Variants in ZNF713 observed in about 807,000 individuals in gnomAD.
ZNF713 encodes zinc finger protein 713.
Under a neutral mutation model 28.7 loss-of-function variants are expected in ZNF713, and 21 were observed. The observed-to-expected ratio is 0.73, with a 90% CI of 0.52 to 1.05. The LOEUF (loss-of-function observed/expected upper bound fraction) is 1.05, where lower values mean the gene tolerates loss of function less well. Among genes scored for constraint, ZNF713 ranks in the 50% least tolerant of loss-of-function variants. The probability of loss-of-function intolerance (pLI) is 0.00; values close to 1 mark genes in which losing one functional copy is unlikely to be tolerated. For missense variants in ZNF713, 458 were observed against 532.4 expected, an observed-to-expected ratio of 0.86 and a Z score of 1.37; for synonymous variants, 167 against 178.0, an observed-to-expected ratio of 0.94 and a Z score of 0.49.
chr7:55,889,423 A>G (rs1785338000), intron 1 of ZNF713, among the ~76,000 whole-genome samples: 1 of 152,174 alleles, frequency 6.6e-6, no homozygotes, highest in South Asian at 2.1e-4. Context: ...TTTAACTTAA[A>G]TTGTGAGGCA....
rs575036773 is a variant in ZNF713, at chr7:55,892,638, C to G, written c.-583+4958C>G. Among the ~76,000 whole-genome samples, 8 of 149,108 alleles carry G rather than the reference C, an allele frequency of 5.4e-5. No individual in the cohort carries two copies. The South Asian group carries it at 1.5e-3, about 28-fold the overall frequency. ...CTGTAATCCCAGCACTTTAGGAGAC[C>G]AAGGCGATTGGATCACATGAGGTCG... On this transcript the variant is annotated intron_variant, in intron 1 of 6. Transcript: ENST00000429591.
intron 6 of ZNF713, chr7:55,924,998 AT>A (rs1206194560): frequency 1.3e-5 from 2 of 151,482 alleles, no homozygotes; most frequent in Non-Finnish European, 2.9e-5. Flanking sequence ...TCCCTTAAAT[AT>A]GGGATTTCTT....
chr7:55,928,871 C>T (rs1160269182), intron 6 of ZNF713, among the ~76,000 whole-genome samples: 2 of 151,840 alleles, frequency 1.3e-5, no homozygotes, highest in Non-Finnish European at 1.5e-5. Flanking sequence ...AGGGCTCACA[C>T]CTGTAATCCC....
chr7:55,892,426 T>A (rs1411130726), intron 1 of ZNF713, among the ~76,000 whole-genome samples: 1 of 151,424 alleles, frequency 6.6e-6, no homozygotes, highest in African/African-American at 2.4e-5. Context: ...TTTCTCCCTA[T>A]CATAAGGGTC....
intron 1 of ZNF713, among the ~76,000 whole-genome samples, chr7:55,888,526 G>A (rs888903341): frequency 6.6e-6 from 1 of 152,152 alleles, no homozygotes; most frequent in Admixed American, 6.5e-5. Context: ...GGGACCACAG[G>A]TGTGCACCAC....
At chr7:55,908,481 G>T (rs1312276666) in intron 2 of ZNF713, among the ~76,000 whole-genome samples, 1 of 152,056 alleles carries the variant, frequency 6.6e-6, no homozygotes, top group Non-Finnish European at 1.5e-5. Context: ...TAGCCATTCT[G>T]ACTGGTGTGA....
intron 1 of ZNF713, among the ~76,000 whole-genome samples, chr7:55,892,306 C>CAATA (rs1785395764): frequency 8.6e-6 from 1 of 116,170 alleles, no homozygotes; most frequent in African/African-American, 3.6e-5. Context: ...AAAAAAAAAC[C>CAATA]CCAGGAACAA....
At chr7:55,908,275 T>TGGGATTAC (rs1307541403) in intron 2 of ZNF713, among the ~76,000 whole-genome samples, 1 of 151,630 alleles carries the variant, frequency 6.6e-6, no homozygotes. Flanking sequence ...TCTGAATAGC[T>TGGGATTAC]GGGATTACAG....
At chr7:55,930,664 G>A (rs143536906) in intron 6 of ZNF713, among the ~76,000 whole-genome samples, 36 of 152,076 alleles carry the variant, frequency 2.4e-4, no homozygotes, top group African/African-American at 8.2e-4. Context: ...GAGGCTGAGT[G>A]TTGAGCCAAG....
chr7:55,912,699 T>C lies in ZNF713; in HGVS notation c.63T>C (p.Asp21=). The C allele has an allele frequency of 1.2e-6, 2 of 1,613,662 alleles. No homozygotes were observed. The highest frequency in any genetic ancestry group is 8.5e-7 in the Non-Finnish European group (1 of 1,179,868). ...ACATGGAGGAGGAAGAAATGAATGA[T>C]GGCTCACAGATGGTGAGATCTCAGG... ...EGNMEEEEMN[D]GSQMVRSQES... is the part of the protein sequence containing the mutation. Residue 21 remains aspartate (D), a synonymous_variant, in exon 4 of 7, where the codon GAT becomes GAC. Transcript: ENST00000429591.
At chr7:55,896,254 T>C (rs1013815980) in intron 1 of ZNF713, among the ~76,000 whole-genome samples, 5 of 152,094 alleles carry the variant, frequency 3.3e-5, no homozygotes, top group African/African-American at 4.8e-5. Flanking sequence ...TGTAACCACA[T>C]TGAAAGAGGT....
chr7:55,903,937 G>T (rs1785627223), intron 1 of ZNF713, among the ~76,000 whole-genome samples: 1 of 152,090 alleles, frequency 6.6e-6, no homozygotes, highest in African/African-American at 2.4e-5. Context: ...GTGGCAGGAT[G>T]CCCTGAATAA....
At chr7:55,929,576 G>A (rs922064282) in intron 6 of ZNF713, among the ~76,000 whole-genome samples, 8 of 152,192 alleles carry the variant, frequency 5.3e-5, no homozygotes, top group Admixed American at 2.6e-4. Flanking sequence ...GATTTTACAC[G>A]TAAAACATGA....
chr7:55,905,593 G>A (rs1490161307), intron 1 of ZNF713, among the ~76,000 whole-genome samples: 3 of 152,000 alleles, frequency 2.0e-5, no homozygotes. Context: ...AAATGGATCA[G>A]TCTGAGCTGT....
chr7:55,896,585 A>ATGTG (rs532438365), intron 1 of ZNF713, among the ~76,000 whole-genome samples: 24 of 129,254 alleles, frequency 1.9e-4, no homozygotes, highest in Admixed American at 5.4e-4. Context: ...TTTAATATAT[A>ATGTG]TGTGTGTGTG....
At chr7:55,932,455 G>T (rs1234248476) in intron 6 of ZNF713, among the ~76,000 whole-genome samples, 2 of 150,234 alleles carry the variant, frequency 1.3e-5, no homozygotes, top group Admixed American at 1.3e-4. Context: ...AGCCCAGGAG[G>T]TCAAAGCTGA....
rs770026109 is a variant in ZNF713 at position 55,939,908 on chromosome 7, C to T, written c.1234C>T (p.His412Tyr). ...CGGGAAAGCCTTTAGCCAGAGTGCACACCTTAATCAACACAGGAAAATCCA... is the reference window on the plus strand; with the variant it reads ...CGGGAAAGCCTTTAGCCAGAGTGCATACCTTAATCAACACAGGAAAATCCA... ...ECGKAFSQSA[H>Y]LNQHRKIHTR... The change falls in exon 7 of 7, where the codon CAC becomes TAC. Residue 412 changes from histidine to tyrosine, a missense_variant. Physicochemically the swap from His to Tyr is moderately conservative, Grantham distance 83 (BLOSUM62 2). Coordinates refer to ENST00000429591, the MANE Select transcript of ZNF713 (RefSeq NM_182633.3). The T allele has an allele frequency of 2.5e-6, 4 of 1,614,070 alleles. No homozygotes were observed. The highest frequency in any genetic ancestry group is 3.4e-6 in the Non-Finnish European group (4 of 1,179,982).
chr7:55,890,826 C>A (rs1390837777), intron 1 of ZNF713, among the ~76,000 whole-genome samples: 3 of 151,862 alleles, frequency 2.0e-5, no homozygotes, highest in Admixed American at 6.6e-5. Context: ...TTGAGACCAG[C>A]CTGGGCAACA....
chr7:55,905,095 T>G (rs1355607195), intron 1 of ZNF713, among the ~76,000 whole-genome samples: 1 of 152,156 alleles, frequency 6.6e-6, no homozygotes, highest in Non-Finnish European at 1.5e-5. Context: ...CACTGTCTAG[T>G]GTTTTCTAAG....
Sources: allele counts gnomAD v4.1 joint callset (sites outside exome capture counted in the v4.1 genomes callset), GRCh38; gene constraint gnomAD v4.1.1; transcripts MANE v1.5; gene names NCBI Gene and HGNC (gene_info 2026-07-23, HGNC 2026-07-21).